Variants in GLT8D2 observed in about 807,000 individuals in gnomAD.
The protein encoded by GLT8D2 is glycosyltransferase 8 domain containing 2.
Under a neutral mutation model 44.5 loss-of-function variants are expected in GLT8D2, and 45 were observed. The observed-to-expected ratio is 1.01, with a 90% CI of 0.80 to 1.30. The LOEUF (loss-of-function observed/expected upper bound fraction) is 1.30. GLT8D2 is among the 50% of genes most tolerant of loss of function. GLT8D2 has a pLI of 0.00. For synonymous variants in GLT8D2, 156 were observed against 157.2 expected (o/e 0.99, Z 0.06); for missense variants, 400 against 430.4 (o/e 0.93, Z 0.62).
Position 104,003,169 on chromosome 12 carries a change from C to G in GLT8D2, c.250G>C (p.Val84Leu). 1 of 1,614,122 alleles carries G rather than the reference C, an allele frequency of 6.2e-7. No homozygotes were observed. Among genetic ancestry groups the G allele is most frequent in the Non-Finnish European group, 8.5e-7 (1 of 1,180,002 alleles). The change falls in exon 5 of 11, where the codon GTA (valine) becomes CTA (leucine). Residue 84 changes from valine to leucine, a missense_variant. By Grantham distance (32) the Val-to-Leu change is conservative. Coordinates refer to ENST00000360814, the MANE Select transcript of GLT8D2 (RefSeq NM_001384711.1). ...SNTDANILFY[V>L]VGLRNTLTRI... is the part of the protein sequence containing the mutation. ...GTCAGAGTATTCCGGAGTCCCACTA[C>G]ATAGAACAAGATGTTGGCGTCAGTG...
chr12:104,046,417 C>T (rs1433699739), intron 1 of GLT8D2, among the ~76,000 whole-genome samples: 1 of 152,144 alleles, frequency 6.6e-6, no homozygotes, highest in African/African-American at 2.4e-5. Flanking sequence ...AAGAGGTCTG[C>T]TAAGGGTCAC....
chr12:104,013,398 G>A (rs971046199), intron 4 of GLT8D2, among the ~76,000 whole-genome samples: 2 of 151,866 alleles, frequency 1.3e-5, no homozygotes, highest in Non-Finnish European at 2.9e-5. Context: ...CCTTTTTACT[G>A]TCGAAAAGTA....
At chr12:104,035,798 A>G (rs1879863481) in intron 1 of GLT8D2, among the ~76,000 whole-genome samples, 1 of 152,186 alleles carries the variant, frequency 6.6e-6, no homozygotes. Flanking sequence ...GCCAACATTC[A>G]AATTCAGGAA....
chr12:104,054,834 G>A (rs1175339197), upstream of GLT8D2, among the ~76,000 whole-genome samples: 2 of 152,110 alleles, frequency 1.3e-5, no homozygotes, highest in Non-Finnish European at 2.9e-5. Flanking sequence ...ATGGGGATAA[G>A]AGGCCTGCAC....
intron 3 of GLT8D2, among the ~76,000 whole-genome samples, chr12:104,019,371 G>A (rs574936941): frequency 2.0e-5 from 3 of 151,894 alleles, no homozygotes; most frequent in South Asian, 2.1e-4. Context: ...CAACTGACCC[G>A]CCCACCTCAG....
chr12:104,011,070 G>A (rs1389362698), intron 4 of GLT8D2, among the ~76,000 whole-genome samples: 2 of 152,210 alleles, frequency 1.3e-5, no homozygotes, highest in African/African-American at 4.8e-5. Flanking sequence ...GCCAGGTAGA[G>A]AAACTGAGCA....
At chr12:104,024,547 G>T (rs1329933733) in intron 1 of GLT8D2, among the ~76,000 whole-genome samples, 1 of 152,152 alleles carries the variant, frequency 6.6e-6, no homozygotes, top group Non-Finnish European at 1.5e-5. Flanking sequence ...CTGTGTTCTT[G>T]TCAGCACTTG....
intron 1 of GLT8D2, among the ~76,000 whole-genome samples, chr12:104,037,020 C>T (rs1006298621): frequency 1.3e-5 from 2 of 152,110 alleles, no homozygotes; most frequent in African/African-American, 4.8e-5. Flanking sequence ...CACTCAAAAC[C>T]GCACAACTAC....
intron 1 of GLT8D2, among the ~76,000 whole-genome samples, chr12:104,026,821 CAA>C (rs1469589555): frequency 1.3e-5 from 2 of 152,106 alleles, no homozygotes; most frequent in Admixed American, 6.5e-5. Flanking sequence ...CTTGAAAACT[CAA>C]AGTTTGTTTT....
chr12:104,030,164 C>A (rs985594411), intron 1 of GLT8D2, among the ~76,000 whole-genome samples: 8 of 152,016 alleles, frequency 5.3e-5, no homozygotes, highest in Middle Eastern at 3.2e-3. Flanking sequence ...GGAACATAGA[C>A]CAATGGGACA....
chr12:104,023,287 TTAAAA>T (rs936789735), intron 1 of GLT8D2, among the ~76,000 whole-genome samples: 105 of 152,320 alleles, frequency 6.9e-4, no homozygotes, highest in African/African-American at 2.4e-3. Context: ...ATCCCAAAAC[TTAAAA>T]TAAAATAAAA....
chr12:104,050,968 C>T (rs1053190996), upstream of GLT8D2, among the ~76,000 whole-genome samples: 1 of 152,098 alleles, frequency 6.6e-6, no homozygotes, highest in African/African-American at 2.4e-5. Context: ...GCGCCCACCA[C>T]TACACCCAGC....
intron 1 of GLT8D2, among the ~76,000 whole-genome samples, chr12:104,059,228 C>T (rs1882423473): frequency 6.6e-6 from 1 of 152,100 alleles, no homozygotes; most frequent in African/African-American, 2.4e-5. Flanking sequence ...ATCTATTCAA[C>T]CCTGGTATAC....
At position 103,994,396 on chromosome 12, in the gene GLT8D2, T is replaced by C. The variant is rs369807655; in HGVS notation, c.706A>G (p.Thr236Ala). 2 of 1,613,998 alleles carry C rather than the reference T, an allele frequency of 1.2e-6. No individual in the cohort carries two copies. The highest frequency in any genetic ancestry group is 1.3e-5 in the African/African-American group (1 of 74,920). The change falls in exon 9 of 11, where the codon ACA becomes GCA. Residue 236 changes from threonine (T) to alanine (A), a missense_variant. By Grantham distance (58) the Thr-to-Ala change is moderately conservative. Transcript: ENST00000360814. ...GTGATGCGCTGGTGCTTCCATTCTG[T>C]CATGTTGGCAACAATCACACCAGGA... Reference protein sequence around the residue: ...FNPGVIVANMTEWKHQRITKQ... With the variant: ...FNPGVIVANMAEWKHQRITKQ...
chr12:103,998,839 G>A lies in GLT8D2; in HGVS notation c.402+558C>T, dbSNP rs566884690. On this transcript the variant is annotated intron_variant, in intron 6 of 10. Coordinates refer to ENST00000360814, the MANE Select transcript of GLT8D2 (RefSeq NM_001384711.1). ...TGGGATTACAAGCACGAGCCAGCAC[G>A]TCCAGCCAAAAACACCACTTTTTAT... is the stretch of plus-strand genomic sequence containing the variant. 1.6e-4 allele frequency among the ~76,000 whole-genome samples: 24 copies of A among 152,228 alleles called. No individual in the cohort carries two copies. The East Asian group carries it at 1.9e-3, about 12-fold the overall frequency.
chr12:104,061,531 T>A (rs1427363902), intron 1 of GLT8D2, among the ~76,000 whole-genome samples: 1 of 152,206 alleles, frequency 6.6e-6, no homozygotes, highest in Admixed American at 6.5e-5. Context: ...TTATTTCAAA[T>A]CCATAAAAAC....
intron 4 of GLT8D2, among the ~76,000 whole-genome samples, chr12:104,007,064 A>G (rs1566195129): frequency 6.6e-6 from 1 of 152,206 alleles, no homozygotes. Context: ...ACTAATGCAC[A>G]AGATAAATAA....
Position 103,993,480 on chromosome 12 carries a change from C to A in GLT8D2, c.792G>T (p.Leu264=). The change falls in exon 10 of 11, where the codon CTG becomes CTT. Residue 264 remains leucine, a synonymous_variant. Coordinates refer to ENST00000360814, the MANE Select transcript of GLT8D2 (RefSeq NM_001384711.1). ...NVEENLYSSS[L]GGGVATSPML... ...TTGGGGAGGTGGCCACCCCTCCTCC[C>A]AGGGAGCTGCTATAGAGGTTTTCCC... 1 of 1,608,774 alleles carries A rather than the reference C, an allele frequency of 6.2e-7. No individual in the cohort carries two copies. Among genetic ancestry groups the A allele is most frequent in the Non-Finnish European group, 8.5e-7 (1 of 1,177,908 alleles).
At chr12:104,011,873 T>C (rs1356034370) in intron 4 of GLT8D2, among the ~76,000 whole-genome samples, 1 of 151,932 alleles carries the variant, frequency 6.6e-6, no homozygotes, top group Non-Finnish European at 1.5e-5. Context: ...ATGGTAATAC[T>C]AAAGAATATA....
Sources: gnomAD v4.1 joint callset for allele counts (sites outside exome capture counted in the v4.1 genomes callset) on GRCh38, gnomAD v4.1.1 for gene constraint, MANE v1.5 for transcripts, NCBI Gene and HGNC (gene_info 2026-07-23, HGNC 2026-07-21) for gene names.